KSR2: variants seen among roughly 807,000 people sequenced by gnomAD.
KSR2 encodes the protein kinase suppressor of ras 2.
Under a neutral mutation model 107.8 loss-of-function variants are expected in KSR2, and 25 were observed. The observed-to-expected ratio is 0.23, with a 90% CI of 0.17 to 0.32. KSR2 has a LOEUF of 0.32. Ranked by LOEUF, KSR2 falls within the 10% of genes least tolerant of loss-of-function variation. KSR2 has a pLI of 1.00. For missense variants in KSR2, 887 were observed against 1,268.9 expected (o/e 0.70, Z 4.57); for synonymous variants, 480 against 507.0 (o/e 0.95, Z 0.71).
chr12:117,573,739 G>A (rs1879061421), intron 7 of KSR2, among the ~76,000 whole-genome samples: 1 of 151,906 alleles, frequency 6.6e-6, no homozygotes, highest in Admixed American at 6.6e-5. Flanking sequence ...ATGTTGGCCA[G>A]GCTGGTCTCG....
At chr12:117,589,031 CAA>C (rs1880167954) in intron 5 of KSR2, among the ~76,000 whole-genome samples, 1 of 152,182 alleles carries the variant, frequency 6.6e-6, no homozygotes, top group South Asian at 2.1e-4. Context: ...CTAAATTGTT[CAA>C]AGTCATATAG....
intron 1 of KSR2, among the ~76,000 whole-genome samples, chr12:117,882,634 C>T (rs1439713461): frequency 6.6e-6 from 1 of 151,652 alleles, no homozygotes; most frequent in African/African-American, 2.4e-5. Flanking sequence ...TCCATCCATC[C>T]ATCCAACAAT....
intron 1 of KSR2, among the ~76,000 whole-genome samples, chr12:117,947,509 C>T (rs1896236021): frequency 6.6e-6 from 1 of 152,000 alleles, no homozygotes; most frequent in African/African-American, 2.4e-5. Flanking sequence ...ATATATACTC[C>T]CACTATTCCC....
intron 5 of KSR2, among the ~76,000 whole-genome samples, chr12:117,599,262 A>T (rs1406928730): frequency 1.3e-5 from 2 of 151,948 alleles, no homozygotes; most frequent in African/African-American, 4.8e-5. Flanking sequence ...ATTTAATGAG[A>T]CCCCCACCTG....
chr12:117,655,656 G>A (rs1319989151), intron 5 of KSR2, among the ~76,000 whole-genome samples: 1 of 152,162 alleles, frequency 6.6e-6, no homozygotes, highest in Admixed American at 6.5e-5. Flanking sequence ...CCAGAGGGAG[G>A]AACGCTGCCA....
At chr12:117,734,259 C>T (rs1325598093) in intron 4 of KSR2, among the ~76,000 whole-genome samples, 2 of 118,490 alleles carry the variant, frequency 1.7e-5, no homozygotes, top group Non-Finnish European at 3.3e-5. Flanking sequence ...CCAGCCTGGG[C>T]AATAGAGCGA....
At position 117,568,527 on chromosome 12, in the gene KSR2, G is replaced by A. The variant is rs186318344; in HGVS notation, c.1326-9954C>T. ...GAATCTGAGCGATCAGTGGGTTTGA[G>A]TAACAGATCCACACACCGTGACACT... On this transcript the variant is annotated intron_variant, in intron 7 of 19. Transcript: ENST00000339824. Among the ~76,000 whole-genome samples the A allele has an allele frequency of 1.3e-3, 201 of 152,024 alleles. 1 individual carries two copies. Among genetic ancestry groups the A allele is most frequent in the African/African-American group, 4.8e-3 (198 of 41,434 alleles).
intron 12 of KSR2, among the ~76,000 whole-genome samples, chr12:117,529,283 C>G (rs553569277): frequency 6.6e-6 from 1 of 152,308 alleles, no homozygotes; most frequent in African/African-American, 2.4e-5. Flanking sequence ...GTGGCACAAT[C>G]CCACCTCACT....
At chr12:117,490,403 C>T (rs1258798755) in intron 14 of KSR2, among the ~76,000 whole-genome samples, 1 of 152,208 alleles carries the variant, frequency 6.6e-6, no homozygotes, top group Non-Finnish European at 1.5e-5. Flanking sequence ...GTGCCAGACA[C>T]TAGCCTAAGG....
intron 5 of KSR2, among the ~76,000 whole-genome samples, chr12:117,586,541 C>T (rs1282259109): frequency 7.5e-5 from 11 of 146,010 alleles, no homozygotes; most frequent in Non-Finnish European, 1.2e-4. Context: ...GAGCCAAGGT[C>T]GCGCCATTGC....
intron 3 of KSR2, among the ~76,000 whole-genome samples, chr12:117,782,742 G>A: frequency 6.6e-6 from 1 of 152,106 alleles, no homozygotes; most frequent in East Asian, 1.9e-4. Flanking sequence ...AACCTCCTAA[G>A]TGAAAAAGCC....
At chr12:117,778,190 C>T (rs1889761844) in intron 3 of KSR2, among the ~76,000 whole-genome samples, 1 of 152,146 alleles carries the variant, frequency 6.6e-6, no homozygotes, top group Non-Finnish European at 1.5e-5. Flanking sequence ...GCAACCTCCA[C>T]CTCCTGGCTC....
intron 4 of KSR2, among the ~76,000 whole-genome samples, chr12:117,683,016 G>A (rs1050868596): frequency 6.6e-6 from 1 of 152,114 alleles, no homozygotes; most frequent in African/African-American, 2.4e-5. Context: ...TACAGTCTAA[G>A]ATGCAGGCAC....
chr12:117,774,799 C>G (rs1707687406), intron 3 of KSR2, among the ~76,000 whole-genome samples: 1 of 152,130 alleles, frequency 6.6e-6, no homozygotes. Context: ...AAAACCCTGT[C>G]CCCATTCGCA....
At chr12:117,778,745 C>T (rs1889780717) in intron 3 of KSR2, among the ~76,000 whole-genome samples, 2 of 152,184 alleles carry the variant, frequency 1.3e-5, no homozygotes, top group Admixed American at 6.5e-5. Context: ...GGCTCCCACG[C>T]ATGCTTGCAC....
chr12:117,887,044 C>T (rs1047512382), intron 1 of KSR2, among the ~76,000 whole-genome samples: 2 of 152,092 alleles, frequency 1.3e-5, no homozygotes, highest in South Asian at 4.1e-4. Flanking sequence ...CCACTTCAGC[C>T]TCCCCAGTAG....
chr12:117,947,222 AAAG>A lies in KSR2; in HGVS notation c.180+20851_180+20853del, dbSNP rs1566094644. On this transcript the variant is annotated intron_variant, in intron 1 of 19. Transcript: ENST00000339824. Reference sequence around the variant, plus strand: ...AAAGAAAGAAAAGAAAGAAAGAAAGAAAGAAAGAAAGAAAGAAAGAAAGAAAGA... The same window carrying A: ...AAAGAAAGAAAAGAAAGAAAGAAAGAAAAGAAAGAAAGAAAGAAAGAAAGA... Among the ~76,000 whole-genome samples the A allele has an allele frequency of 1.5e-3, 147 of 96,870 alleles. 1 individual carries two copies. Among genetic ancestry groups the A allele is most frequent in the South Asian group, 2.5e-3 (7 of 2,854 alleles). The allele number at this position is 96,870 out of a possible 152,430, so 63.6% of individuals were successfully genotyped here.
chr12:117,942,826 G>A (rs1896052232), intron 1 of KSR2, among the ~76,000 whole-genome samples: 1 of 152,056 alleles, frequency 6.6e-6, no homozygotes, highest in African/African-American at 2.4e-5. Context: ...ACAAATAAGA[G>A]TGCTTTACAA....
intron 10 of KSR2, among the ~76,000 whole-genome samples, chr12:117,539,312 T>C (rs535859372): frequency 9.2e-5 from 14 of 152,252 alleles, no homozygotes; most frequent in African/African-American, 3.4e-4. Flanking sequence ...GCACAGGATC[T>C]CACTGCCAAT....
Sources: allele counts gnomAD v4.1 joint callset (sites outside exome capture counted in the v4.1 genomes callset), GRCh38; gene constraint gnomAD v4.1.1; transcripts MANE v1.5; gene names NCBI Gene and HGNC (gene_info 2026-07-23, HGNC 2026-07-21).